The following LNX1 variants were observed in gnomAD, a reference collection of about 807,000 sequenced individuals.
The protein encoded by LNX1 is ligand of numb-protein X 1.
Under a neutral mutation model 68.4 loss-of-function variants are expected in LNX1, and 54 were observed. The observed-to-expected ratio is 0.79, with a 90% CI of 0.63 to 0.99. LNX1 has a LOEUF of 0.99. Among genes scored for constraint, LNX1 ranks in the 50% least tolerant of loss-of-function variants. LNX1 has a pLI of 0.00. For missense variants in LNX1, 906 were observed against 926.4 expected (o/e 0.98, Z 0.29); for synonymous variants, 336 against 350.0 (o/e 0.96, Z 0.45).
At chr4:53,620,183 G>T (rs576773552), upstream of LNX1, among the ~76,000 whole-genome samples, 1 of 152,264 alleles carries the variant, frequency 6.6e-6, no homozygotes, top group South Asian at 2.1e-4. Flanking sequence ...TCTGTCATCT[G>T]TCTATTTATC....
upstream of LNX1, chr4:53,593,222 A>G (rs1406528101): frequency 6.6e-6 from 1 of 152,056 alleles, no homozygotes; most frequent in Non-Finnish European, 1.5e-5. Context: ...TCACGCGGAC[A>G]GGGTGTCCCC....
intron 1 of LNX1, among the ~76,000 whole-genome samples, chr4:53,639,215 T>G (rs142885651): frequency 3.9e-4 from 59 of 152,266 alleles, no homozygotes; most frequent in African/African-American, 1.1e-3. Flanking sequence ...ATTCTTCTCA[T>G]TGAATTATCA....
intron 2 of LNX1, among the ~76,000 whole-genome samples, chr4:53,533,617 C>T (rs1382046423): frequency 6.6e-6 from 1 of 152,194 alleles, no homozygotes; most frequent in Non-Finnish European, 1.5e-5. Flanking sequence ...TCAGACTGGT[C>T]TCAAACTCCT....
At chr4:53,516,825 C>T (rs1726822681) in intron 2 of LNX1, among the ~76,000 whole-genome samples, 1 of 152,110 alleles carries the variant, frequency 6.6e-6, no homozygotes, top group East Asian at 1.9e-4. Context: ...GGGTAAGAGA[C>T]AAGTGGGCAT....
rs116274861 is a variant in LNX1, at chr4:53,630,122, C to T, written c.-215+22046G>A. Among the ~76,000 whole-genome samples, 1,378 of 151,958 alleles carry T rather than the reference C, an allele frequency of 9.1e-3. 11 individuals carry two copies. The highest frequency in any genetic ancestry group is 0.016 in the Non-Finnish European group (1,061 of 67,980). Reference sequence around the variant, plus strand: ...GGGGGCATGCGGGTGGGAATAACAACCATGTAAGTTTTCCCTTTACCCTGT... The same window carrying T: ...GGGGGCATGCGGGTGGGAATAACAATCATGTAAGTTTTCCCTTTACCCTGT... On this transcript the variant is annotated intron_variant, in intron 1 of 2. Coordinates refer to the LNX1 transcript ENST00000507168.
intron 2 of LNX1, among the ~76,000 whole-genome samples, chr4:53,570,913 A>G (rs1731115233): frequency 6.6e-6 from 1 of 151,790 alleles, no homozygotes; most frequent in Admixed American, 6.6e-5. Context: ...TGTAGTCCCA[A>G]CTACTCTGGA....
chr4:53,469,776 C>T (rs1723013160), intron 9 of LNX1, among the ~76,000 whole-genome samples: 1 of 152,100 alleles, frequency 6.6e-6, no homozygotes, highest in African/African-American at 2.4e-5. Flanking sequence ...ATACACCCTC[C>T]CAAGACTAAA....
rs368724938 is a variant in LNX1, at chr4:53,651,671, C to T, written c.-215+497G>A. Among the ~76,000 whole-genome samples the T allele has an allele frequency of 3.3e-4, 50 of 152,298 alleles. 2 individuals carry two copies. The South Asian group carries it at 9.7e-3, about 30-fold the overall frequency. The stretch of plus-strand genomic sequence containing the variant: ...CTGGTCACCCACAACCCTACACACC[C>T]GTGAGCAGGTCACAGCTTCTCTCAA... On this transcript the variant is annotated intron_variant, in intron 1 of 2. Coordinates refer to the LNX1 transcript ENST00000507168.
intron 2 of LNX1, among the ~76,000 whole-genome samples, chr4:53,556,158 T>C (rs1421817688): frequency 6.6e-6 from 1 of 152,046 alleles, no homozygotes. Context: ...AGTTTCCTTA[T>C]AAGAAGAGGA....
At chr4:53,495,005 G>A (rs148822541) in intron 6 of LNX1, among the ~76,000 whole-genome samples, 84 of 152,288 alleles carry the variant, frequency 5.5e-4, no homozygotes, top group African/African-American at 1.9e-3. Context: ...GACGTGGGGC[G>A]GGGAGGGAAA....
intron 9 of LNX1, among the ~76,000 whole-genome samples, chr4:53,467,097 A>T (rs919797074): frequency 6.6e-6 from 1 of 152,176 alleles, no homozygotes; most frequent in African/African-American, 2.4e-5. Flanking sequence ...ACCCCCCAGT[A>T]GGGGCGGACT....
At chr4:53,521,501 C>T (rs114623553) in intron 2 of LNX1, among the ~76,000 whole-genome samples, 2,344 of 152,184 alleles carry the variant, frequency 0.015, 32 homozygotes, top group Middle Eastern at 0.031. Flanking sequence ...CTTCCTTGCT[C>T]GGGGTTTGGA....
At chr4:53,467,181 C>T (rs1722751396) in intron 9 of LNX1, among the ~76,000 whole-genome samples, 1 of 152,136 alleles carries the variant, frequency 6.6e-6, no homozygotes, top group Admixed American at 6.5e-5. Flanking sequence ...ATTTGCGTTT[C>T]ACCAATATCC....
intron 8 of LNX1, among the ~76,000 whole-genome samples, chr4:53,477,182 G>C (rs953359027): frequency 1.3e-5 from 2 of 150,996 alleles, no homozygotes; most frequent in Non-Finnish European, 3.0e-5. Flanking sequence ...GACTTGTTTG[G>C]GGTTTTCTAA....
chr4:53,494,324 T>C (rs1369505031), intron 6 of LNX1, among the ~76,000 whole-genome samples: 1 of 152,220 alleles, frequency 6.6e-6, no homozygotes, highest in Non-Finnish European at 1.5e-5. Context: ...TCCCGAGCCA[T>C]GTGGAACTGT....
At chr4:53,600,403 C>G (rs1732949203) in intron 2 of LNX1, among the ~76,000 whole-genome samples, 1 of 152,128 alleles carries the variant, frequency 6.6e-6, no homozygotes, top group African/African-American at 2.4e-5. Context: ...ACAGGAGAAG[C>G]CAACTTTCTA....
intron 2 of LNX1, among the ~76,000 whole-genome samples, chr4:53,556,751 T>C (rs1197341346): frequency 1.3e-5 from 2 of 152,230 alleles, no homozygotes; most frequent in Admixed American, 1.3e-4. Flanking sequence ...AGAACCTAGC[T>C]GTATTTACCA....
intron 1 of LNX1, among the ~76,000 whole-genome samples, chr4:53,629,724 G>A (rs948023642): frequency 1.3e-5 from 2 of 152,204 alleles, no homozygotes; most frequent in African/African-American, 4.8e-5. Flanking sequence ...ATCAGAGGTG[G>A]TAGGGTGGAT....
upstream of LNX1, among the ~76,000 whole-genome samples, chr4:53,619,872 CTTG>C (rs1466990663): frequency 1.3e-5 from 2 of 152,196 alleles, no homozygotes; most frequent in Non-Finnish European, 2.9e-5. Context: ...CTTGCCAGTG[CTTG>C]TTATTATGTC....
Sources: gnomAD v4.1 joint callset for allele counts (sites outside exome capture counted in the v4.1 genomes callset) on GRCh38, gnomAD v4.1.1 for gene constraint, MANE v1.5 for transcripts, NCBI Gene and HGNC (gene_info 2026-07-23, HGNC 2026-07-21) for gene names.